The following SUMF1 variants were observed in gnomAD, a reference collection of about 807,000 sequenced individuals.
SUMF1 encodes sulfatase modifying factor 1.
A neutral mutation model predicts 47.6 loss-of-function variants in SUMF1; 48 were observed. The observed-to-expected ratio is 1.01, with a 90% CI of 0.80 to 1.28. The LOEUF (loss-of-function observed/expected upper bound fraction) is 1.28. SUMF1 is among the 50% of genes most tolerant of loss of function. SUMF1 has a pLI of 0.00. For synonymous variants in SUMF1, 230 were observed against 192.1 expected, an observed-to-expected ratio of 1.20 and a Z score of -1.63; for missense variants, 571 against 485.4, an observed-to-expected ratio of 1.18 and a Z score of -1.66.
chr3:4,438,339 C>A (rs1245876339), intron 3 of SUMF1, among the ~76,000 whole-genome samples: 1 of 152,152 alleles, frequency 6.6e-6, no homozygotes, highest in Non-Finnish European at 1.5e-5. Flanking sequence ...CCTCTGAACT[C>A]TCCTTTCAAC....
At chr3:4,242,265 A>C (rs1033631172) in intron 8 of SUMF1, among the ~76,000 whole-genome samples, 5 of 152,060 alleles carry the variant, frequency 3.3e-5, no homozygotes, top group African/African-American at 1.2e-4. Context: ...AATACACTTT[A>C]TTTCTTTCTC....
intron 8 of SUMF1, among the ~76,000 whole-genome samples, chr3:4,259,133 G>C (rs1034554451): frequency 2.0e-5 from 3 of 148,036 alleles, no homozygotes; most frequent in Admixed American, 2.0e-4. Flanking sequence ...GGAGGGTGGA[G>C]GGATAGCATT....
chr3:4,399,778 G>C (rs1701148514), intron 7 of SUMF1, among the ~76,000 whole-genome samples: 1 of 152,010 alleles, frequency 6.6e-6, no homozygotes, highest in Admixed American at 6.6e-5. Context: ...CTTTTTTTGA[G>C]ACAGAGTCTC....
intron 8 of SUMF1, among the ~76,000 whole-genome samples, chr3:4,350,916 T>A (rs534053268): frequency 2.0e-5 from 3 of 150,900 alleles, no homozygotes; most frequent in African/African-American, 7.3e-5. Context: ...GTTTGCCAAC[T>A]CTAGAGATCA....
At chr3:4,347,571 A>G (rs1417503042) in intron 8 of SUMF1, among the ~76,000 whole-genome samples, 6 of 152,228 alleles carry the variant, frequency 3.9e-5, no homozygotes, top group African/African-American at 1.4e-4. Flanking sequence ...CCCACAGCCA[A>G]TATCTTATTG....
intron 1 of SUMF1, among the ~76,000 whole-genome samples, chr3:4,463,515 A>C (rs1161174620): frequency 6.6e-6 from 1 of 152,208 alleles, no homozygotes; most frequent in African/African-American, 2.4e-5. Context: ...CAAAACAAAA[A>C]AACACTAGCA....
chr3:4,122,151 A>G (rs147163374), intron 8 of SUMF1, among the ~76,000 whole-genome samples: 4 of 152,164 alleles, frequency 2.6e-5, no homozygotes, highest in East Asian at 3.9e-4. Context: ...TGTCTTTGCT[A>G]TGGTGAATAC....
intron 8 of SUMF1, among the ~76,000 whole-genome samples, chr3:4,145,774 A>C (rs1574924440): frequency 6.6e-6 from 1 of 152,184 alleles, no homozygotes; most frequent in East Asian, 1.9e-4. Context: ...TATTCAAGAC[A>C]GTTGAGGCAA....
chr3:4,175,707 A>G (rs186568125), intron 8 of SUMF1, among the ~76,000 whole-genome samples: 1 of 152,314 alleles, frequency 6.6e-6, no homozygotes, highest in East Asian at 1.9e-4. Flanking sequence ...TGACAGAAGT[A>G]GGCTTCAGAA....
intron 3 of SUMF1, among the ~76,000 whole-genome samples, chr3:4,430,953 A>G (rs1182412101): frequency 6.6e-6 from 1 of 152,210 alleles, no homozygotes; most frequent in Non-Finnish European, 1.5e-5. Context: ...GTTAAATAAA[A>G]TGTACCAAAG....
intron 1 of SUMF1, among the ~76,000 whole-genome samples, chr3:4,462,756 T>G (rs1293924579): frequency 6.6e-6 from 1 of 152,206 alleles, no homozygotes; most frequent in African/African-American, 2.4e-5. Context: ...AAGAGAAGCA[T>G]GCTCTCTGGA....
intron 9 of SUMF1, among the ~76,000 whole-genome samples, chr3:4,067,319 A>G (rs924276251): frequency 1.3e-5 from 2 of 152,116 alleles, no homozygotes; most frequent in African/African-American, 4.8e-5. Flanking sequence ...TATTCTAGCC[A>G]TTGGTTTTGA....
At chr3:4,360,205 C>T (rs372845467), downstream of SUMF1, among the ~76,000 whole-genome samples, 346 of 103,778 alleles carry the variant, frequency 3.3e-3, no homozygotes, top group African/African-American at 5.3e-3. Context: ...AATGTTTGTT[C>T]TTTTTTTTTT....
intron 9 of SUMF1, among the ~76,000 whole-genome samples, chr3:4,039,614 G>A (rs1323621143): frequency 2.0e-5 from 3 of 147,526 alleles, no homozygotes; most frequent in African/African-American, 5.3e-5. Context: ...TCTTAATCCA[G>A]TCTATCATTG....
chr3:4,427,712 C>T (rs1702111134), intron 3 of SUMF1, among the ~76,000 whole-genome samples: 1 of 152,182 alleles, frequency 6.6e-6, no homozygotes, highest in Non-Finnish European at 1.5e-5. Flanking sequence ...TGAAATCCCT[C>T]ATGCTATAAT....
intron 8 of SUMF1, among the ~76,000 whole-genome samples, chr3:4,076,046 A>C (rs146774482): frequency 0.022 from 3,309 of 152,230 alleles, 145 homozygotes; most frequent in African/African-American, 0.074. Context: ...AATCCTAAGC[A>C]AAAAGAACAA....
chr3:4,322,162 A>C lies in SUMF1; in HGVS notation c.1014+54168T>G, dbSNP rs939735759. ...GGAGTCAAAGAAGACATGATATGTA[A>C]CTGTAATGTGGTGTCCTGGATGAGA... is the stretch of plus-strand genomic sequence containing the variant. On this transcript the variant is annotated intron_variant and NMD_transcript_variant, in intron 8 of 12. Coordinates refer to the SUMF1 transcript ENST00000448413. Among the ~76,000 whole-genome samples the C allele has an allele frequency of 9.9e-5, 15 of 152,170 alleles. No individual in the cohort carries two copies. The South Asian group carries it at 2.9e-3, about 29-fold the overall frequency.
At chr3:4,334,698 C>G (rs189202730) in intron 8 of SUMF1, among the ~76,000 whole-genome samples, 1 of 152,324 alleles carries the variant, frequency 6.6e-6, no homozygotes, top group Admixed American at 6.5e-5. Context: ...GTTCCCTGAC[C>G]AGGAATCAAA....
At chr3:4,226,361 C>T (rs981515346) in intron 8 of SUMF1, among the ~76,000 whole-genome samples, 1 of 145,722 alleles carries the variant, frequency 6.9e-6, no homozygotes, top group African/African-American at 2.6e-5. Flanking sequence ...CCTCTGCCTC[C>T]TGGGTTAAAA....
Sources: gnomAD v4.1 joint callset for allele counts (sites outside exome capture counted in the v4.1 genomes callset) on GRCh38, gnomAD v4.1.1 for gene constraint, MANE v1.5 for transcripts, NCBI Gene and HGNC (gene_info 2026-07-23, HGNC 2026-07-21) for gene names.